BMP2K: variants seen among roughly 807,000 people sequenced by gnomAD.
BMP2K encodes the protein BMP2 inducible kinase, also known as BMP-2-inducible protein kinase.
BMP2K carries 74 observed loss-of-function variants against 116.0 expected under a neutral mutation model. The ratio of observed to expected loss-of-function variants is 0.64; its 90% CI spans 0.53 to 0.77. The LOEUF is 0.77. BMP2K is among the 30% of genes least tolerant of loss of function. The pLI, the probability that BMP2K is intolerant of heterozygous loss-of-function variation, is 0.00. For synonymous variants in BMP2K, 486 were observed against 502.5 expected, an observed-to-expected ratio of 0.97 and a Z score of 0.44; for missense variants, 1,365 against 1,403.6, an observed-to-expected ratio of 0.97 and a Z score of 0.44.
At chr4:78,824,224 G>A (rs767838628) in intron 1 of BMP2K, among the ~76,000 whole-genome samples, 1 of 152,196 alleles carries the variant, frequency 6.6e-6, no homozygotes, top group Non-Finnish European at 1.5e-5. Flanking sequence ...AAGTTGTAGA[G>A]AATCTGGAAA....
intron 1 of BMP2K, among the ~76,000 whole-genome samples, chr4:78,813,684 A>G (rs7675414): frequency 0.05 from 7,529 of 152,068 alleles, 591 homozygotes; most frequent in African/African-American, 0.17. Context: ...CTTTCTTCCT[A>G]TCTTTACTCA....
chr4:78,788,747 T>C (rs1264672128), intron 1 of BMP2K, among the ~76,000 whole-genome samples: 4 of 151,920 alleles, frequency 2.6e-5, no homozygotes, highest in African/African-American at 9.7e-5. Context: ...TGCCTATCCA[T>C]AGGGATGGTT....
chr4:78,797,272 C>T (rs954028664), intron 1 of BMP2K, among the ~76,000 whole-genome samples: 1 of 152,080 alleles, frequency 6.6e-6, no homozygotes, highest in South Asian at 2.1e-4. Flanking sequence ...TTCCACAGAT[C>T]GCATTCTTCC....
chr4:78,842,299 T>TG (rs1730796919), intron 3 of BMP2K, 86 bp from the exon 4 acceptor site: 1 of 1,223,912 alleles, frequency 8.2e-7, no homozygotes, highest in East Asian at 2.5e-5. Flanking sequence ...TCCCATTACT[T>TG]GAAGCCATAA....
chr4:78,910,074 G>T (rs1432986402), intron 15 of BMP2K, among the ~76,000 whole-genome samples: 2 of 152,130 alleles, frequency 1.3e-5, no homozygotes, highest in Admixed American at 1.3e-4. Flanking sequence ...CTTAGCTTTG[G>T]TGAGGCCATT....
intron 1 of BMP2K, among the ~76,000 whole-genome samples, chr4:78,780,567 G>C (rs1189562501): frequency 1.3e-5 from 2 of 152,198 alleles, no homozygotes; most frequent in Non-Finnish European, 2.9e-5. Context: ...TTTGCAGAAA[G>C]CATCTGTGGC....
intron 15 of BMP2K, among the ~76,000 whole-genome samples, chr4:78,896,491 C>T (rs1195461053): frequency 6.6e-6 from 1 of 151,974 alleles, no homozygotes; most frequent in Non-Finnish European, 1.5e-5. Context: ...GGTAATAGTC[C>T]ATAACATGTG....
intron 1 of BMP2K, among the ~76,000 whole-genome samples, chr4:78,780,863 A>C (rs1006871108): frequency 6.6e-6 from 1 of 152,224 alleles, no homozygotes; most frequent in Non-Finnish European, 1.5e-5. Context: ...TCGTGAAGAC[A>C]ATGCTCAGGG....
Position 78,915,606 on chromosome 4 carries a change from T to C in BMP2K, c.*3573T>C, listed in dbSNP as rs530612372. ...TTTATTTGAGAACTTTTATACTCAGTGGTGTTTTATATATTAAGATAAAAA... is the reference window on the plus strand; with the variant it reads ...TTTATTTGAGAACTTTTATACTCAGCGGTGTTTTATATATTAAGATAAAAA... On this transcript the variant is annotated 3_prime_UTR_variant, in exon 16 of 16. Transcript: ENST00000502613. The C allele has an allele frequency of 6.6e-6, 1 of 151,960 alleles. No individual in the cohort carries two copies. Among genetic ancestry groups the C allele is most frequent in the Non-Finnish European group, 1.5e-5 (1 of 67,884 alleles). 9.4% of individuals were successfully genotyped at this position (151,960 alleles called of 1,614,324 possible). A position where few individuals can be genotyped will look rare whatever the true frequency, so the allele number is the denominator to read the frequency against.
intron 15 of BMP2K, among the ~76,000 whole-genome samples, chr4:78,908,551 T>TG (rs1158761584): frequency 5.3e-5 from 8 of 152,338 alleles, no homozygotes; most frequent in African/African-American, 1.9e-4. Context: ...TTTAGTCTTG[T>TG]GGCTCTCTCT....
intron 1 of BMP2K, among the ~76,000 whole-genome samples, chr4:78,814,662 A>G (rs1729246080): frequency 6.6e-6 from 1 of 152,116 alleles, no homozygotes; most frequent in Non-Finnish European, 1.5e-5. Context: ...AGGCCTCTCC[A>G]GCCATGATGA....
Position 78,829,686 on chromosome 4 carries a change from G to A in BMP2K, c.297+3531G>A, listed in dbSNP as rs924470791. ...ATATATTTTTTAAATAATAAGACTT[G>A]AAAGTTAAAATTACTCCTTGACTCA... On this transcript the variant is annotated intron_variant, in intron 2 of 15. Transcript: ENST00000502613. Among the ~76,000 whole-genome samples, 3 of 152,034 alleles carry A rather than the reference G, an allele frequency of 2.0e-5. No homozygotes were observed. In the East Asian group the frequency reaches 5.8e-4, roughly 29 times the overall value.
chr4:78,877,506 C>T (rs1274326374), intron 13 of BMP2K, among the ~76,000 whole-genome samples: 1 of 152,154 alleles, frequency 6.6e-6, no homozygotes, highest in Non-Finnish European at 1.5e-5. Context: ...CTTCCACCTC[C>T]ACATCTTGTC....
rs984518729 is a variant in BMP2K, at chr4:78,845,118, T to C, written c.668+69T>C. On this transcript the variant is annotated intron_variant, in intron 5 of 15. Transcript: ENST00000502613. ...GTTAACTTGAGTCTCTGGCCAGCAC[T>C]GCTAATACAAATTTTAGGTATTTCA... The C allele has an allele frequency of 1.8e-5, 23 of 1,286,462 alleles. No homozygotes were observed. In the Middle Eastern group the frequency reaches 7.6e-4, roughly 43 times the overall value. The allele number at this position is 1,286,462 out of a possible 1,614,324, so 79.7% of individuals were successfully genotyped here. A position where few individuals can be genotyped will look rare whatever the true frequency, so the allele number is the denominator to read the frequency against.
intron 3 of BMP2K, among the ~76,000 whole-genome samples, chr4:78,839,633 C>T (rs1053816721): frequency 2.6e-5 from 4 of 152,030 alleles, no homozygotes; most frequent in African/African-American, 9.7e-5. Context: ...TAAAGGGGAG[C>T]TTTATATGTA....
At chr4:78,842,724 G>A (rs1730818314) in intron 4 of BMP2K, among the ~76,000 whole-genome samples, 197 bp downstream of exon 4, 1 of 151,968 alleles carries the variant, frequency 6.6e-6, no homozygotes, top group South Asian at 2.1e-4. Context: ...TTCTAGCATG[G>A]CTGTGGAGGC....
rs1363417323 is a variant in BMP2K, at chr4:78,889,839, C to T, written c.2062+2555C>T. ...TAAACAGAATTTAATTTTTAGTAAA[C>T]CATATAGAGAATGCTACTTGAGAAT... On this transcript the variant is annotated intron_variant, in intron 15 of 15. Coordinates refer to ENST00000502613, the MANE Select transcript of BMP2K (RefSeq NM_198892.2). Among the ~76,000 whole-genome samples, 4 of 152,226 alleles carry T rather than the reference C, an allele frequency of 2.6e-5. No individual in the cohort carries two copies. In the East Asian group the frequency reaches 7.7e-4, roughly 29 times the overall value.
At chr4:78,799,939 G>C (rs1451798023) in intron 1 of BMP2K, among the ~76,000 whole-genome samples, 1 of 152,170 alleles carries the variant, frequency 6.6e-6, no homozygotes, top group East Asian at 1.9e-4. Context: ...TACAGATTTA[G>C]TCGATGGAAT....
intron 1 of BMP2K, among the ~76,000 whole-genome samples, chr4:78,821,606 G>A (rs897293173): frequency 6.6e-6 from 1 of 152,138 alleles, no homozygotes; most frequent in Admixed American, 6.6e-5. Context: ...ATACTGCATA[G>A]GGGCGAGTGT....
Sources: gnomAD v4.1 joint callset for allele counts (sites outside exome capture counted in the v4.1 genomes callset) on GRCh38, gnomAD v4.1.1 for gene constraint, MANE v1.5 for transcripts, NCBI Gene and HGNC (gene_info 2026-07-23, HGNC 2026-07-21) for gene names.